Variants in MKRN2 observed in about 807,000 individuals in gnomAD.
The protein encoded by MKRN2 is makorin ring finger protein 2.
In MKRN2, 32 loss-of-function variants were observed where a neutral mutation model predicts 45.4. The ratio of observed to expected loss-of-function variants is 0.70; its 90% confidence interval spans 0.53 to 0.95. The LOEUF (loss-of-function observed/expected upper bound fraction) is 0.95, where lower values mean the gene tolerates loss of function less well. Ranked by LOEUF, MKRN2 falls within the 40% of genes least tolerant of loss-of-function variation. The pLI is 0.00. For missense variants in MKRN2, 526 were observed against 536.7 expected, an observed-to-expected ratio of 0.98 and a Z score of 0.20; for synonymous variants, 206 against 192.4, an observed-to-expected ratio of 1.07 and a Z score of -0.59.
chr3:12,557,145 G>T lies in MKRN2; in HGVS notation c.-6G>T. 6.6e-7 allele frequency: 1 copy of T among 1,522,246 alleles called. No individual in the cohort carries two copies. 94.3% of individuals were successfully genotyped at this position (1,522,246 alleles called of 1,614,324 possible). A position where few individuals can be genotyped will look rare whatever the true frequency, so the allele number is the denominator to read the frequency against. ...GGCACGACGACGGTCCCTCAGCCCA[G>T]CCACCATGAGCACCAAGCAGATCAC... is the stretch of plus-strand genomic sequence containing the variant. On this transcript the variant is annotated 5_prime_UTR_variant, in exon 1 of 8. Coordinates refer to ENST00000170447, the MANE Select transcript of MKRN2 (RefSeq NM_014160.5).
chr3:12,561,931 A>G (rs987282680), intron 1 of MKRN2, among the ~76,000 whole-genome samples: 1 of 152,182 alleles, frequency 6.6e-6, no homozygotes, highest in Non-Finnish European at 1.5e-5. Flanking sequence ...CCAAATCCAG[A>G]GACTGTCTAG....
At position 12,566,979 on chromosome 3, in the gene MKRN2, A is replaced by G. The variant is rs150785373; in HGVS notation, c.27-1896A>G. ...CTTTAAATCTTTCAGCATATTGAGC[A>G]TATGTATAATAGCTGTTCTTAAGGT... On this transcript the variant is annotated intron_variant, in intron 1 of 7. Coordinates refer to ENST00000170447, the MANE Select transcript of MKRN2 (RefSeq NM_014160.5). Among the ~76,000 whole-genome samples the G allele has an allele frequency of 3.9e-5, 6 of 152,318 alleles. No homozygotes were observed. In the East Asian group the frequency reaches 9.6e-4, roughly 24 times the overall value.
chr3:12,567,841 AG>A (rs1014024571), intron 1 of MKRN2, among the ~76,000 whole-genome samples: 1 of 152,088 alleles, frequency 6.6e-6, no homozygotes, highest in African/African-American at 2.4e-5. Context: ...CTACTGTTTG[AG>A]TATTCACTCA....
chr3:12,559,377 A>G (rs564355922), intron 1 of MKRN2, among the ~76,000 whole-genome samples: 1 of 152,174 alleles, frequency 6.6e-6, no homozygotes, highest in Non-Finnish European at 1.5e-5. Flanking sequence ...TGTTCAAGGT[A>G]TGATTTATTT....
intron 6 of MKRN2, among the ~76,000 whole-genome samples, chr3:12,578,758 G>A (rs781203175): frequency 2.6e-5 from 4 of 151,926 alleles, no homozygotes; most frequent in African/African-American, 9.7e-5. Flanking sequence ...CTGCAGGAGG[G>A]TTGGGTATGG....
At chr3:12,578,102 G>A (rs2058153734) in intron 6 of MKRN2, among the ~76,000 whole-genome samples, 1 of 152,150 alleles carries the variant, frequency 6.6e-6, no homozygotes, top group South Asian at 2.1e-4. Flanking sequence ...TTGGGAGTTA[G>A]TCAGATTTGG....
chr3:12,574,696 A>G, intron 4 of MKRN2, 96 bp from the exon 5 acceptor site: 1 of 1,151,902 alleles, frequency 8.7e-7, no homozygotes, highest in South Asian at 1.4e-5. Flanking sequence ...TTCCTTCCTG[A>G]TCTCAGCTGT....
intron 1 of MKRN2, among the ~76,000 whole-genome samples, chr3:12,564,439 C>G (rs2058058770): frequency 6.6e-6 from 1 of 152,186 alleles, no homozygotes; most frequent in Non-Finnish European, 1.5e-5. Flanking sequence ...CTAGTCCATA[C>G]TCACATTTAT....
In MKRN2 at chr3:12,583,377, T is replaced by G. The variant is rs2125311167; in HGVS notation, c.*1124T>G. On this transcript the variant is annotated 3_prime_UTR_variant, in exon 8 of 8. Coordinates refer to ENST00000170447, the MANE Select transcript of MKRN2 (RefSeq NM_014160.5). ...TAAATAGTTTATAAAATGTATTACT[T>G]AAGGTATTAGCTGAGTTTAGAGTAC... 5.8e-6 allele frequency: 1 copy of G among 171,064 alleles called. No homozygotes were observed. The highest frequency in any genetic ancestry group is 1.3e-5 in the Non-Finnish European group (1 of 79,112). 10.6% of individuals were successfully genotyped at this position (171,064 alleles called of 1,614,324 possible). A position where few individuals can be genotyped will look rare whatever the true frequency, so the allele number is the denominator to read the frequency against.
intron 3 of MKRN2, 132 bp from the exon 4 acceptor site, chr3:12,571,937 G>GTT: frequency 1.2e-6 from 1 of 829,684 alleles, no homozygotes; most frequent in Non-Finnish European, 1.8e-6. Flanking sequence ...CCTTCGGTGT[G>GTT]TTTTTTTTGC....
rs1312082787 is a variant in MKRN2, at chr3:12,583,409, CTTAA to C, written c.*1163_*1166del. The C allele has an allele frequency of 6.7e-5, 12 of 180,244 alleles. No individual in the cohort carries two copies. Among genetic ancestry groups the C allele is most frequent in the Non-Finnish European group, 1.1e-4 (9 of 84,608 alleles). 11.2% of individuals were successfully genotyped at this position (180,244 alleles called of 1,614,324 possible). A position where few individuals can be genotyped will look rare whatever the true frequency, so the allele number is the denominator to read the frequency against. On this transcript the variant is annotated 3_prime_UTR_variant, in exon 8 of 8. Transcript: ENST00000170447. ...TTAGCTGAGTTTAGAGTACTTTCTG[CTTAA>C]TTAATTTTTATACTTAACTCTTCAG... is the stretch of plus-strand genomic sequence containing the variant.
rs1233171785 is a variant in MKRN2 at position 12,569,637 on chromosome 3, A to G, written c.156-434A>G. Among the ~76,000 whole-genome samples the G allele has an allele frequency of 3.9e-5, 6 of 152,098 alleles. No individual in the cohort carries two copies. The East Asian group carries it at 1.2e-3, about 29-fold the overall frequency. Reference sequence around the variant, plus strand: ...CTGCAGTGCAGTGGGAGATGATGGAAGTAGGCCCACGTTGGTCTTCCCCTG... The same window carrying G: ...CTGCAGTGCAGTGGGAGATGATGGAGGTAGGCCCACGTTGGTCTTCCCCTG... On this transcript the variant is annotated intron_variant, in intron 2 of 7. Transcript: ENST00000170447.
intron 1 of MKRN2, among the ~76,000 whole-genome samples, chr3:12,559,188 TA>T (rs1307388675): frequency 1.3e-5 from 2 of 152,156 alleles, no homozygotes; most frequent in South Asian, 2.1e-4. Context: ...CCTTGCCAAA[TA>T]AAAAACATAA....
intron 4 of MKRN2, among the ~76,000 whole-genome samples, chr3:12,572,646 C>T (rs1000511172): frequency 6.6e-6 from 1 of 151,592 alleles, no homozygotes; most frequent in Non-Finnish European, 1.5e-5. Flanking sequence ...TACAGTGGTG[C>T]AATCTCGGCT....
At chr3:12,561,300 G>A (rs79928991) in intron 1 of MKRN2, among the ~76,000 whole-genome samples, 1,957 of 152,268 alleles carry the variant, frequency 0.013, 44 homozygotes, top group African/African-American at 0.044. Flanking sequence ...AGTTTGGAAG[G>A]CAAGTTTTCT....
rs190183251 is a variant in MKRN2 at position 12,574,414 on chromosome 3, C to A, written c.643-378C>A. Among the ~76,000 whole-genome samples the A allele has an allele frequency of 1.1e-4, 16 of 152,358 alleles. 2 individuals are homozygous for A. Among genetic ancestry groups the A allele is most frequent in the Admixed American group, 9.8e-4 (15 of 15,310 alleles). Reference sequence around the variant, plus strand: ...TCATGGTAAGGACGAGTCAGCATCTCTGATGTAGACATGGCTCAGAGTCGG... The same window carrying A: ...TCATGGTAAGGACGAGTCAGCATCTATGATGTAGACATGGCTCAGAGTCGG... On this transcript the variant is annotated intron_variant, in intron 4 of 7. Transcript: ENST00000170447.
At chr3:12,562,069 G>A (rs2058040970) in intron 1 of MKRN2, among the ~76,000 whole-genome samples, 1 of 152,048 alleles carries the variant, frequency 6.6e-6, no homozygotes, top group Non-Finnish European at 1.5e-5. Context: ...CTGGGTGCAG[G>A]CTTCCTACAT....
chr3:12,566,980 T>G (rs1343582125), intron 1 of MKRN2, among the ~76,000 whole-genome samples: 1 of 152,256 alleles, frequency 6.6e-6, no homozygotes, highest in African/African-American at 2.4e-5. Context: ...ATATTGAGCA[T>G]ATGTATAATA....
chr3:12,576,897 C>T (rs1331814244), intron 6 of MKRN2, 156 bp downstream of exon 6: 2 of 348,826 alleles, frequency 5.7e-6, no homozygotes, highest in Middle Eastern at 5.9e-4. Context: ...CAGCAATGAG[C>T]AAGGACATGG....
Sources: allele counts gnomAD v4.1 joint callset (sites outside exome capture counted in the v4.1 genomes callset), GRCh38; gene constraint gnomAD v4.1.1; transcripts MANE v1.5; gene names NCBI Gene and HGNC (gene_info 2026-07-23, HGNC 2026-07-21).